Variants in TMED3 observed in about 807,000 individuals in gnomAD.
TMED3 encodes the protein transmembrane emp24 domain-containing protein 3.
A neutral mutation model predicts 15.0 loss-of-function variants in TMED3; 9 were observed. The observed-to-expected ratio is 0.60, with a 90% CI of 0.36 to 1.04. The LOEUF (loss-of-function observed/expected upper bound fraction) is 1.04, where lower values mean the gene tolerates loss of function less well. Ranked by LOEUF, TMED3 falls within the 50% of genes least tolerant of loss-of-function variation. The pLI, the probability that TMED3 is intolerant of heterozygous loss-of-function variation, is 0.01. For synonymous variants in TMED3, 117 were observed against 121.4 expected, an observed-to-expected ratio of 0.96 and a Z score of 0.24; for missense variants, 267 against 278.9, an observed-to-expected ratio of 0.96 and a Z score of 0.30.
Position 79,322,050 on chromosome 15 carries a change from C to T in TMED3, c.490C>T (p.Arg164Trp), listed in dbSNP as rs772689191. 8.1e-6 allele frequency: 13 copies of T among 1,614,200 alleles called. No homozygotes were observed. Among genetic ancestry groups the T allele is most frequent in the South Asian group, 2.2e-5 (2 of 91,078 alleles). The change falls in exon 3 of 3, where the codon CGG (arginine) becomes TGG (tryptophan). Residue 164 changes from arginine to tryptophan, a missense_variant. Physicochemically the swap from Arg to Trp is moderately radical, Grantham distance 101. Around this residue, in one of 3 missense-constraint regions of TMED3, gnomAD observed 139 missense variants for 125.0 expected, o/e 1.11. Coordinates refer to ENST00000299705, the MANE Select transcript of TMED3 (RefSeq NM_007364.4). Reference protein sequence around the residue: ...VIDSQTHYRLREAQDRARAED... With the variant: ...VIDSQTHYRLWEAQDRARAED... ...TGACTCCCAGACGCATTACCGGCTGCGGGAGGCCCAGGACCGGGCCCGAGC... is the reference window on the plus strand; with the variant it reads ...TGACTCCCAGACGCATTACCGGCTGTGGGAGGCCCAGGACCGGGCCCGAGC...
At chr15:79,339,049 A>C (rs1431380870) in intron 2 of TMED3, among the ~76,000 whole-genome samples, 2 of 152,148 alleles carry the variant, frequency 1.3e-5, no homozygotes, top group Non-Finnish European at 2.9e-5. Flanking sequence ...TCATGCTCCT[A>C]GTCTGCCTTC....
intron 2 of TMED3, among the ~76,000 whole-genome samples, chr15:79,373,569 T>G (rs959194590): frequency 9.9e-5 from 15 of 152,152 alleles, no homozygotes; most frequent in African/African-American, 3.6e-4. Context: ...TCTGAGATGC[T>G]GCGGCTTTGG....
At chr15:79,377,868 G>A (rs933402886) in intron 2 of TMED3, among the ~76,000 whole-genome samples, 21 of 152,080 alleles carry the variant, frequency 1.4e-4, no homozygotes, top group African/African-American at 4.6e-4. Flanking sequence ...GGATGGTCTC[G>A]ATCTCCTGAC....
At chr15:79,338,512 G>A (rs2058835981) in intron 2 of TMED3, among the ~76,000 whole-genome samples, 1 of 152,112 alleles carries the variant, frequency 6.6e-6, no homozygotes, top group Non-Finnish European at 1.5e-5. Flanking sequence ...CAGGTGCCGA[G>A]GCAAGAGACC....
intron 2 of TMED3, among the ~76,000 whole-genome samples, chr15:79,318,657 T>C (rs140659101): frequency 3.9e-5 from 6 of 152,362 alleles, no homozygotes; most frequent in Admixed American, 6.5e-5. Flanking sequence ...CAGGTTCACA[T>C]AGGTTAAGCC....
At chr15:79,335,297 A>G (rs1256336342) in intron 2 of TMED3, among the ~76,000 whole-genome samples, 2 of 114,770 alleles carry the variant, frequency 1.7e-5, no homozygotes, top group African/African-American at 5.4e-5. Context: ...TCTGGGAAAA[A>G]TAAACAAACA....
chr15:79,358,484 G>T (rs914609288), intron 2 of TMED3, among the ~76,000 whole-genome samples: 1 of 152,202 alleles, frequency 6.6e-6, no homozygotes, highest in Non-Finnish European at 1.5e-5. Flanking sequence ...GGTTGAGAGT[G>T]ACTGGTACCT....
At chr15:79,337,299 T>C (rs1300941211) in intron 2 of TMED3, among the ~76,000 whole-genome samples, 1 of 152,192 alleles carries the variant, frequency 6.6e-6, no homozygotes, top group Non-Finnish European at 1.5e-5. Flanking sequence ...GTGTCCTAAT[T>C]TCCCCTTTAT....
chr15:79,336,690 A>AAAAC (rs535657332), intron 2 of TMED3, among the ~76,000 whole-genome samples: 52 of 146,448 alleles, frequency 3.6e-4, no homozygotes, highest in African/African-American at 6.9e-4. Flanking sequence ...ACTCTGTCTC[A>AAAAC]AAACAAACAA....
intron 2 of TMED3, among the ~76,000 whole-genome samples, chr15:79,399,301 G>C (rs2141256640): frequency 6.6e-6 from 1 of 152,184 alleles, no homozygotes; most frequent in East Asian, 1.9e-4. Flanking sequence ...CACTCAAGTG[G>C]ACATGTATAA....
intron 2 of TMED3, among the ~76,000 whole-genome samples, chr15:79,359,233 T>TG (rs1893076891): frequency 1.0e-5 from 1 of 95,492 alleles, no homozygotes; most frequent in South Asian, 4.3e-4. Context: ...AGGCTCAGTT[T>TG]TTTTTTTTTT....
intron 2 of TMED3, among the ~76,000 whole-genome samples, chr15:79,376,072 T>C (rs1384892289): frequency 6.7e-6 from 1 of 149,534 alleles, no homozygotes; most frequent in East Asian, 2.0e-4. Flanking sequence ...CAAAACTTAC[T>C]TCATCTATTC....
chr15:79,343,840 G>A (rs1200332827), intron 2 of TMED3, among the ~76,000 whole-genome samples: 2 of 152,198 alleles, frequency 1.3e-5, no homozygotes, highest in African/African-American at 2.4e-5. Context: ...GAGCCTGACT[G>A]TGGGAAGGAG....
chr15:79,339,756 G>A (rs2058843422), intron 2 of TMED3, among the ~76,000 whole-genome samples: 1 of 151,532 alleles, frequency 6.6e-6, no homozygotes, highest in Non-Finnish European at 1.5e-5. Context: ...TGGTGATAGT[G>A]GTGATTATGG....
intron 2 of TMED3, among the ~76,000 whole-genome samples, chr15:79,332,999 G>A (rs945904033): frequency 5.3e-5 from 8 of 152,170 alleles, no homozygotes; most frequent in Non-Finnish European, 8.8e-5. Flanking sequence ...GTTCCATCTC[G>A]CCTGGTTTGC....
At chr15:79,362,176 G>A (rs1251929525) in intron 2 of TMED3, among the ~76,000 whole-genome samples, 1 of 151,924 alleles carries the variant, frequency 6.6e-6, no homozygotes, top group Non-Finnish European at 1.5e-5. Context: ...CTATGTATAA[G>A]TTAATATAGT....
intron 2 of TMED3, among the ~76,000 whole-genome samples, chr15:79,353,668 G>A (rs8028969): frequency 0.097 from 14,153 of 146,028 alleles, 710 homozygotes; most frequent in Admixed American, 0.13. Flanking sequence ...TTTTTTTCTC[G>A]ATGGCAGAGC....
At chr15:79,403,820 A>C (rs1184173876) in intron 2 of TMED3, among the ~76,000 whole-genome samples, 2 of 152,320 alleles carry the variant, frequency 1.3e-5, no homozygotes, top group East Asian at 3.9e-4. Flanking sequence ...AAAGTCATGG[A>C]GAATAATGGT....
chr15:79,314,408 A>G, intron 2 of TMED3: 1 of 389,390 alleles, frequency 2.6e-6, no homozygotes, highest in Admixed American at 3.1e-5. Flanking sequence ...TAAACACCAA[A>G]CATCAATGGC....
Sources: gnomAD v4.1 joint callset for allele counts (sites outside exome capture counted in the v4.1 genomes callset) on GRCh38, gnomAD v4.1.1 for gene constraint, gnomAD v4.1.1 regional missense constraint, MANE v1.5 for transcripts, NCBI Gene and HGNC (gene_info 2026-07-23, HGNC 2026-07-21) for gene names.